CDH12: variants seen among roughly 807,000 people sequenced by gnomAD.
The protein encoded by CDH12 is cadherin-12.
CDH12 carries 41 observed loss-of-function variants against 74.1 expected under a neutral mutation model. The ratio of observed to expected loss-of-function variants is 0.55; its 90% CI spans 0.43 to 0.72. The LOEUF (loss-of-function observed/expected upper bound fraction) is 0.72, where lower values mean the gene tolerates loss of function less well. Among genes scored for constraint, CDH12 ranks in the 30% least tolerant of loss-of-function variants. The probability of loss-of-function intolerance (pLI) is 0.00; values close to 1 mark genes in which losing one functional copy is unlikely to be tolerated. For missense variants in CDH12, 945 were observed against 977.2 expected (o/e 0.97, Z 0.44); for synonymous variants, 399 against 355.0 (o/e 1.12, Z -1.39).
At chr5:21,847,315 G>A (rs1025584204) in intron 7 of CDH12, among the ~76,000 whole-genome samples, 3 of 151,998 alleles carry the variant, frequency 2.0e-5, no homozygotes, top group Admixed American at 1.3e-4. Context: ...GACTGTGTTA[G>A]CCATTCTATC....
At chr5:22,752,323 G>A (rs1745621234) in intron 1 of CDH12, among the ~76,000 whole-genome samples, 1 of 151,684 alleles carries the variant, frequency 6.6e-6, no homozygotes, top group Non-Finnish European at 1.5e-5. Context: ...TAATACTAGA[G>A]TAACTTCAAT....
chr5:21,923,167 T>C (rs192555456), intron 6 of CDH12, among the ~76,000 whole-genome samples: 4 of 152,224 alleles, frequency 2.6e-5, no homozygotes, highest in Admixed American at 1.3e-4. Flanking sequence ...TGAATAATAA[T>C]ACAGCTAAGT....
chr5:22,078,759 G>A lies in CDH12; in HGVS notation c.-83C>T. On this transcript the variant is annotated 5_prime_UTR_variant, in exon 5 of 15. Coordinates refer to ENST00000382254, the MANE Select transcript of CDH12 (RefSeq NM_004061.5). The stretch of plus-strand genomic sequence containing the variant: ...TGGAATCCAGGTTTGAGGTGTCTGT[G>A]GCCTCCACCACTTAGCTTCTTGTTT... The A allele has an allele frequency of 6.5e-7, 1 of 1,542,144 alleles. No individual in the cohort carries two copies. Among genetic ancestry groups the A allele is most frequent in the Non-Finnish European group, 8.7e-7 (1 of 1,147,952 alleles).
chr5:22,365,582 C>T (rs1387310533), intron 3 of CDH12, among the ~76,000 whole-genome samples: 1 of 152,142 alleles, frequency 6.6e-6, no homozygotes, highest in African/African-American at 2.4e-5. Context: ...GAATGAAATT[C>T]TATGGATGCT....
rs1301774383 is a variant in CDH12, at chr5:22,242,109, G to A, written c.-332-29466C>T. Among the ~76,000 whole-genome samples, 5 of 152,106 alleles carry A rather than the reference G, an allele frequency of 3.3e-5. No individual in the cohort carries two copies. In the East Asian group the frequency reaches 9.7e-4, roughly 29 times the overall value. On this transcript the variant is annotated intron_variant, in intron 3 of 14. Transcript: ENST00000382254. The stretch of plus-strand genomic sequence containing the variant: ...TTCTACGTTTTATTTGTATTCACTT[G>A]AACTAACTCAGAAGTCATACCTCCA...
At position 22,460,713 on chromosome 5, in the gene CDH12, A is replaced by ATTTTTTTTTTTTTTTTTTTTT. The variant is rs3039460; in HGVS notation, c.-428+44536_-428+44556dup. On this transcript the variant is annotated intron_variant, in intron 2 of 14. Coordinates refer to ENST00000382254, the MANE Select transcript of CDH12 (RefSeq NM_004061.5). ...AGAGAACAGTTGATGATATCTAGCA[A>ATTTTTTTTTTTTTTTTTTTTT]TTTTTTTTTTTTTTTTTTTTTTTTT... Among the ~76,000 whole-genome samples, 9 of 85,608 alleles carry ATTTTTTTTTTTTTTTTTTTTT rather than the reference A, an allele frequency of 1.1e-4. 1 individual carries two copies. The highest frequency in any genetic ancestry group is 4.6e-4 in the African/African-American group (9 of 19,772). The allele number at this position is 85,608 out of a possible 152,430, so 56.2% of individuals were successfully genotyped here. A position where few individuals can be genotyped will look rare whatever the true frequency, so the allele number is the denominator to read the frequency against.
At position 22,646,002 on chromosome 5, in the gene CDH12, T is replaced by A. The variant is rs546357883; in HGVS notation, c.-522-140638A>T. On this transcript the variant is annotated intron_variant, in intron 1 of 14. Coordinates refer to ENST00000382254, the MANE Select transcript of CDH12 (RefSeq NM_004061.5). Reference sequence around the variant, plus strand: ...TCACCTTATTGGGATATTTGTTTTATTTCAGTGGTCTGGATCTGATCTCTC... The same window carrying A: ...TCACCTTATTGGGATATTTGTTTTAATTCAGTGGTCTGGATCTGATCTCTC... Among the ~76,000 whole-genome samples the A allele has an allele frequency of 1.3e-4, 20 of 152,040 alleles. No individual in the cohort carries two copies. The South Asian group carries it at 3.9e-3, about 30-fold the overall frequency.
intron 11 of CDH12, among the ~76,000 whole-genome samples, chr5:21,772,604 T>C (rs1160382238): frequency 2.6e-5 from 4 of 152,164 alleles, no homozygotes; most frequent in African/African-American, 9.6e-5. Context: ...AAGAAGTTTA[T>C]ACTAAGAAGT....
At chr5:22,410,895 G>A (rs1403040221) in intron 2 of CDH12, among the ~76,000 whole-genome samples, 2 of 152,068 alleles carry the variant, frequency 1.3e-5, no homozygotes, top group Non-Finnish European at 2.9e-5. Flanking sequence ...GGGGGAAGGA[G>A]TGGCAAAGAA....
intron 1 of CDH12, among the ~76,000 whole-genome samples, chr5:22,698,697 A>AG (rs1213668721): frequency 7.9e-5 from 1 of 12,710 alleles, no homozygotes; most frequent in Non-Finnish European, 1.4e-4. Flanking sequence ...ATATATATAT[A>AG]TATATATATA....
chr5:21,863,296 C>T (rs1352735590), intron 6 of CDH12, among the ~76,000 whole-genome samples: 6 of 152,070 alleles, frequency 3.9e-5, no homozygotes, highest in Non-Finnish European at 8.8e-5. Flanking sequence ...TTTGCCTCAC[C>T]GTTGATGTCC....
intron 2 of CDH12, among the ~76,000 whole-genome samples, chr5:22,504,702 A>G (rs1298830139): frequency 6.6e-6 from 1 of 152,104 alleles, no homozygotes; most frequent in Non-Finnish European, 1.5e-5. Context: ...TCCTACCATC[A>G]GCAAAGGAAA....
chr5:22,050,155 G>A (rs1457522690), intron 5 of CDH12, among the ~76,000 whole-genome samples: 1 of 151,942 alleles, frequency 6.6e-6, no homozygotes, highest in Non-Finnish European at 1.5e-5. Context: ...CTTTCCAGAT[G>A]GATCTTCCTA....
chr5:22,362,156 G>T (rs1740832356), intron 3 of CDH12, among the ~76,000 whole-genome samples: 1 of 151,990 alleles, frequency 6.6e-6, no homozygotes, highest in South Asian at 2.1e-4. Flanking sequence ...CTACAGAATG[G>T]GAGAAAATTT....
intron 1 of CDH12, among the ~76,000 whole-genome samples, chr5:22,611,311 C>T (rs573092845): frequency 3.3e-5 from 5 of 152,130 alleles, no homozygotes; most frequent in Admixed American, 6.6e-5. Context: ...ACAATTAAGT[C>T]ATAGACTTGA....
At chr5:22,541,137 T>G (rs1738081497) in intron 1 of CDH12, among the ~76,000 whole-genome samples, 2 of 152,138 alleles carry the variant, frequency 1.3e-5, no homozygotes, top group Non-Finnish European at 2.9e-5. Flanking sequence ...GAGGATTAAT[T>G]GTAGCTATCA....
rs1414896386 is a variant in CDH12 at position 22,059,332 on chromosome 5, CTAT to C, written c.231+19111_231+19113del. ...TATCATCTATCCATCTATCGTCTATCTATCATCTATCTATCTATCTATCTATCT... is the reference window on the plus strand; with the variant it reads ...TATCATCTATCCATCTATCGTCTATCCATCTATCTATCTATCTATCTATCT... On this transcript the variant is annotated intron_variant, in intron 5 of 14. Transcript: ENST00000382254. 7.8e-3 allele frequency among the ~76,000 whole-genome samples: 1,139 copies of C among 146,942 alleles called. 10 individuals are homozygous for C. The highest frequency in any genetic ancestry group is 0.011 in the South Asian group (49 of 4,520).
chr5:22,253,653 C>G (rs1394568091), intron 3 of CDH12, among the ~76,000 whole-genome samples: 6 of 151,812 alleles, frequency 4.0e-5, no homozygotes, highest in Non-Finnish European at 7.4e-5. Flanking sequence ...CTCTTTCAAT[C>G]TAGCTCCTAA....
intron 1 of CDH12, among the ~76,000 whole-genome samples, chr5:22,621,111 T>G (rs1354551656): frequency 6.6e-6 from 1 of 152,180 alleles, no homozygotes; most frequent in African/African-American, 2.4e-5. Context: ...AGAGACCACC[T>G]GTATTACTTG....
Sources: gnomAD v4.1 joint callset for allele counts (sites outside exome capture counted in the v4.1 genomes callset) on GRCh38, gnomAD v4.1.1 for gene constraint, MANE v1.5 for transcripts, NCBI Gene and HGNC (gene_info 2026-07-23, HGNC 2026-07-21) for gene names.